MINDY2: variants seen among roughly 807,000 people sequenced by gnomAD.
MINDY2 encodes the protein ubiquitin carboxyl-terminal hydrolase MINDY-2.
In MINDY2, 52 loss-of-function variants were observed where a neutral mutation model predicts 68.2. That is an observed-to-expected ratio of 0.76 (90% confidence interval 0.61 to 0.96). The LOEUF (loss-of-function observed/expected upper bound fraction) is 0.96. Among genes scored for constraint, MINDY2 ranks in the 40% least tolerant of loss-of-function variants. The probability of loss-of-function intolerance (pLI) is 0.00; values close to 1 mark genes in which losing one functional copy is unlikely to be tolerated. For missense variants in MINDY2, 881 were observed against 773.4 expected, an observed-to-expected ratio of 1.14 and a Z score of -1.65; for synonymous variants, 372 against 303.0, an observed-to-expected ratio of 1.23 and a Z score of -2.36.
intron 6 of MINDY2, among the ~76,000 whole-genome samples, chr15:58,839,767 G>A (rs1418768920): frequency 2.0e-5 from 3 of 151,076 alleles, no homozygotes; most frequent in Non-Finnish European, 4.4e-5. Context: ...AGTATTCTCT[G>A]TTTATTAACT....
At chr15:58,807,882 C>T (rs992755242) in intron 3 of MINDY2, among the ~76,000 whole-genome samples, 1 of 152,118 alleles carries the variant, frequency 6.6e-6, no homozygotes, top group Non-Finnish European at 1.5e-5. Context: ...GCACTGGCAT[C>T]TACTTTGGAA....
At chr15:58,840,380 A>G (rs7181446) in intron 6 of MINDY2, among the ~76,000 whole-genome samples, 6,976 of 151,802 alleles carry the variant, frequency 0.046, 362 homozygotes, top group African/African-American at 0.12. Context: ...CTGGAAAAAT[A>G]CCTCTGTGTT....
chr15:58,852,287 C>CAAAA (rs60365490), intron 8 of MINDY2, among the ~76,000 whole-genome samples: 19 of 61,924 alleles, frequency 3.1e-4, no homozygotes, highest in East Asian at 2.4e-3. Context: ...GACTCCTTCT[C>CAAAA]AAAAAAAAAA....
chr15:58,856,342 T>C lies in MINDY2; in HGVS notation c.*1732T>C, dbSNP rs1469347189. The C allele has an allele frequency of 6.6e-6, 1 of 152,624 alleles. No individual in the cohort carries two copies. Among genetic ancestry groups the C allele is most frequent in the Non-Finnish European group, 1.5e-5 (1 of 68,030 alleles). The allele number at this position is 152,624 out of a possible 1,614,324, so 9.5% of individuals were successfully genotyped here. On this transcript the variant is annotated 3_prime_UTR_variant, in exon 9 of 9. Transcript: ENST00000559228. ...ATTTTTTCAACTATGTCATTAACTT[T>C]ATGATCCAAGACCAGTTATAGGATG...
chr15:58,834,894 A>G lies in MINDY2; in HGVS notation c.1368+2978A>G, dbSNP rs1490500922. 2.0e-5 allele frequency among the ~76,000 whole-genome samples: 3 copies of G among 152,290 alleles called. No homozygotes were observed. In the South Asian group the frequency reaches 6.2e-4, roughly 32 times the overall value. ...GCAACAGCTCATTTGTATAACTTCA[A>G]CATTTTAGCTAGATGTATGTCAGAT... On this transcript the variant is annotated intron_variant, in intron 6 of 8. Transcript: ENST00000559228.
rs1399478106 is a variant in MINDY2 at position 58,850,190 on chromosome 15, G to T, written c.1543-1581G>T. On this transcript the variant is annotated intron_variant, in intron 7 of 8. Transcript: ENST00000559228. ...AGTTAATGCTTGACCAAAATGCACT[G>T]TTTCTGATAGAAACTAATCTGAGTG... Among the ~76,000 whole-genome samples, 5 of 152,208 alleles carry T rather than the reference G, an allele frequency of 3.3e-5. No individual in the cohort carries two copies. In the East Asian group the frequency reaches 9.6e-4, roughly 29 times the overall value.
At position 58,825,132 on chromosome 15, in the gene MINDY2, CT is replaced by C. The variant is rs1158502330; in HGVS notation, c.1225+3318del. On this transcript the variant is annotated intron_variant, in intron 5 of 8. Transcript: ENST00000559228. Reference sequence around the variant, plus strand: ...AATAAGTTTTGGTCACAGGTGATAACTTTTTAAAAATTCAAACATTTTATTT... The same window carrying C: ...AATAAGTTTTGGTCACAGGTGATAACTTTTAAAAATTCAAACATTTTATTT... Among the ~76,000 whole-genome samples the C allele has an allele frequency of 4.6e-5, 7 of 152,212 alleles. No individual in the cohort carries two copies. In the East Asian group the frequency reaches 1.4e-3, roughly 29 times the overall value.
Position 58,771,473 on chromosome 15 carries a change from G to T in MINDY2, c.78G>T (p.Ser26=). 2 of 1,612,576 alleles carry T rather than the reference G, an allele frequency of 1.2e-6. No homozygotes were observed. Among genetic ancestry groups the T allele is most frequent in the South Asian group, 1.1e-5 (1 of 91,078 alleles). Residue 26 remains serine (S), a synonymous_variant, in exon 1 of 9, where the codon TCG becomes TCT. Coordinates refer to ENST00000559228, the MANE Select transcript of MINDY2 (RefSeq NM_001040450.3). ...AAGPASGTGS[S]QEGLQETRLA... is the part of the protein sequence containing the mutation. Reference sequence around the variant, plus strand: ...GGCCAGCGTCAGGGACAGGTTCTTCGCAGGAAGGGCTACAGGAGACCAGGC... The same window carrying T: ...GGCCAGCGTCAGGGACAGGTTCTTCTCAGGAAGGGCTACAGGAGACCAGGC...
chr15:58,820,227 G>T (rs936237267), intron 4 of MINDY2, among the ~76,000 whole-genome samples: 30 of 152,028 alleles, frequency 2.0e-4, no homozygotes, highest in African/African-American at 5.8e-4. Context: ...GACTGTGTCA[G>T]TGCACTCTAG....
intron 5 of MINDY2, among the ~76,000 whole-genome samples, chr15:58,829,260 A>G (rs1480915448): frequency 1.3e-5 from 2 of 152,228 alleles, no homozygotes; most frequent in Non-Finnish European, 2.9e-5. Flanking sequence ...TGACAGGAGA[A>G]TTACGAAACA....
At chr15:58,785,912 C>G (rs1425655781) in intron 1 of MINDY2, among the ~76,000 whole-genome samples, 3 of 152,136 alleles carry the variant, frequency 2.0e-5, no homozygotes, top group Non-Finnish European at 4.4e-5. Context: ...CTCCTGACCT[C>G]AAGTGATCTG....
At position 58,818,370 on chromosome 15, in the gene MINDY2, C is replaced by A. The variant is rs142564243; in HGVS notation, c.1123-3347C>A. ...TACTTCTGGGCTTAAGCAATCCTGTCTCAGCTTCCTGAGTAGCTGGGACTA... is the reference window on the plus strand; with the variant it reads ...TACTTCTGGGCTTAAGCAATCCTGTATCAGCTTCCTGAGTAGCTGGGACTA... On this transcript the variant is annotated intron_variant, in intron 4 of 8. Coordinates refer to ENST00000559228, the MANE Select transcript of MINDY2 (RefSeq NM_001040450.3). Among the ~76,000 whole-genome samples, 242 of 152,264 alleles carry A rather than the reference C, an allele frequency of 1.6e-3. 1 individual carries two copies. Among genetic ancestry groups the A allele is most frequent in the African/African-American group, 5.5e-3 (230 of 41,548 alleles).
At chr15:58,795,614 C>T (rs1371932957) in intron 2 of MINDY2, among the ~76,000 whole-genome samples, 1 of 152,062 alleles carries the variant, frequency 6.6e-6, no homozygotes, top group African/African-American at 2.4e-5. Context: ...CCGTGTTAGC[C>T]AGGATGGTCT....
chr15:58,826,806 C>G (rs1459107614), intron 5 of MINDY2, among the ~76,000 whole-genome samples: 1 of 152,046 alleles, frequency 6.6e-6, no homozygotes, highest in Non-Finnish European at 1.5e-5. Context: ...GTTGTCACAT[C>G]TCTTTAGTCT....
intron 6 of MINDY2, among the ~76,000 whole-genome samples, chr15:58,844,413 A>G (rs1222463395): frequency 6.6e-6 from 1 of 151,778 alleles, no homozygotes; most frequent in Non-Finnish European, 1.5e-5. Flanking sequence ...TTAGCCGGGC[A>G]TGGTGGCGGG....
intron 6 of MINDY2, among the ~76,000 whole-genome samples, chr15:58,838,809 G>A (rs545965616): frequency 2.0e-5 from 3 of 151,946 alleles, no homozygotes; most frequent in East Asian, 3.9e-4. Flanking sequence ...TCAAATCCCT[G>A]ACATCAAGTG....
chr15:58,847,510 G>T, intron 7 of MINDY2, 40 bp downstream of exon 7: 1 of 1,446,980 alleles, frequency 6.9e-7, no homozygotes, highest in Non-Finnish European at 9.2e-7. Context: ...TTAAAATGCT[G>T]ATTTTTTTCA....
intron 4 of MINDY2, among the ~76,000 whole-genome samples, chr15:58,811,387 A>C (rs1365746228): frequency 6.6e-6 from 1 of 152,230 alleles, no homozygotes; most frequent in Non-Finnish European, 1.5e-5. Context: ...GAAGTAGACG[A>C]CACACTGAAG....
At chr15:58,833,895 C>A (rs57285066) in intron 6 of MINDY2, among the ~76,000 whole-genome samples, 1 of 152,032 alleles carries the variant, frequency 6.6e-6, no homozygotes, top group South Asian at 2.1e-4. Flanking sequence ...GTCGGGCTGC[C>A]GGACGGTCAG....
Sources: allele counts gnomAD v4.1 joint callset (sites outside exome capture counted in the v4.1 genomes callset), GRCh38; gene constraint gnomAD v4.1.1; transcripts MANE v1.5; gene names NCBI Gene and HGNC (gene_info 2026-07-23, HGNC 2026-07-21).